CADPS2: variants seen among roughly 807,000 people sequenced by gnomAD.
The protein encoded by CADPS2 is calcium dependent secretion activator 2.
Under a neutral mutation model 172.5 loss-of-function variants are expected in CADPS2, and 93 were observed. That is an observed-to-expected ratio of 0.54 (90% CI 0.46 to 0.64). The LOEUF (loss-of-function observed/expected upper bound fraction) is 0.64, where lower values mean the gene tolerates loss of function less well. CADPS2 is among the 30% of genes least tolerant of loss of function. The pLI is 0.00. For missense variants in CADPS2, 1,420 were observed against 1,565.9 expected (o/e 0.91, Z 1.57); for synonymous variants, 546 against 555.2 (o/e 0.98, Z 0.23).
At chr7:122,448,263 A>C (rs2052566142) in intron 15 of CADPS2, among the ~76,000 whole-genome samples, 1 of 152,094 alleles carries the variant, frequency 6.6e-6, no homozygotes, top group African/African-American at 2.4e-5. Context: ...GTTTCTGAAA[A>C]TTCATGAAAT....
At chr7:122,480,294 A>G (rs943796643) in intron 12 of CADPS2, among the ~76,000 whole-genome samples, 1 of 130,570 alleles carries the variant, frequency 7.7e-6, no homozygotes, top group Non-Finnish European at 1.7e-5. Flanking sequence ...GTTAGATTTT[A>G]TAATTTTTTT....
At chr7:122,503,143 TG>T (rs11293003) in intron 9 of CADPS2, among the ~76,000 whole-genome samples, 39,266 of 151,370 alleles carry the variant, frequency 0.26, 5,280 homozygotes, top group East Asian at 0.34. Flanking sequence ...GCGATTCTCC[TG>T]CCTCAGTCTC....
At chr7:122,809,242 G>A (rs1387110661) in intron 1 of CADPS2, among the ~76,000 whole-genome samples, 1 of 152,042 alleles carries the variant, frequency 6.6e-6, no homozygotes, top group African/African-American at 2.4e-5. Flanking sequence ...AATCAGCTTT[G>A]TGATATGGTA....
At chr7:122,491,592 G>A (rs757999185) in intron 9 of CADPS2, among the ~76,000 whole-genome samples, 172 bp from the exon 10 acceptor site, 7 of 151,814 alleles carry the variant, frequency 4.6e-5, no homozygotes, top group Non-Finnish European at 1.0e-4. Flanking sequence ...AGCACCTTTC[G>A]TTTGTCAGCT....
intron 2 of CADPS2, among the ~76,000 whole-genome samples, chr7:122,694,582 G>A (rs1354263892): frequency 1.3e-5 from 2 of 152,122 alleles, no homozygotes; most frequent in East Asian, 1.9e-4. Context: ...GCTATGAAAA[G>A]GGGAGGTAAC....
chr7:122,768,045 C>A (rs941283123), intron 1 of CADPS2, among the ~76,000 whole-genome samples: 1 of 152,160 alleles, frequency 6.6e-6, no homozygotes, highest in Non-Finnish European at 1.5e-5. Flanking sequence ...TTATTACCAT[C>A]TGCAGCCAGT....
chr7:122,670,876 A>AG (rs2081762509), intron 2 of CADPS2, among the ~76,000 whole-genome samples: 1 of 151,676 alleles, frequency 6.6e-6, no homozygotes, highest in Non-Finnish European at 1.5e-5. Context: ...TTTCAAAAAA[A>AG]AAAAAAAAAA....
chr7:122,713,995 CTAAT>C (rs1361306910), intron 2 of CADPS2, among the ~76,000 whole-genome samples: 1 of 152,072 alleles, frequency 6.6e-6, no homozygotes, highest in Non-Finnish European at 1.5e-5. Flanking sequence ...GTTTCTCCAA[CTAAT>C]TATTACATTC....
rs566485835 is a variant in CADPS2 at position 122,644,760 on chromosome 7, C to A, written c.787-15432G>T. ...TTGTAATTTCATACAACAAAAAGAACATAAGGAAATGAAGTCATTCCCAAA... is the reference window on the plus strand; with the variant it reads ...TTGTAATTTCATACAACAAAAAGAAAATAAGGAAATGAAGTCATTCCCAAA... On this transcript the variant is annotated intron_variant, in intron 3 of 29. Transcript: ENST00000449022. Among the ~76,000 whole-genome samples, 633 of 152,126 alleles carry A rather than the reference C, an allele frequency of 4.2e-3. 2 individuals carry two copies. The highest frequency in any genetic ancestry group is 6.7e-3 in the Non-Finnish European group (454 of 67,958).
chr7:122,875,196 G>A (rs1820890841), intron 1 of CADPS2, among the ~76,000 whole-genome samples: 2 of 152,204 alleles, frequency 1.3e-5, no homozygotes, highest in African/African-American at 4.8e-5. Context: ...GTGAATATGA[G>A]TGTAGGTGTA....
At chr7:122,732,040 C>A (rs1287624543) in intron 2 of CADPS2, among the ~76,000 whole-genome samples, 1 of 151,560 alleles carries the variant, frequency 6.6e-6, no homozygotes, top group African/African-American at 2.4e-5. Flanking sequence ...TCAGTATATG[C>A]TTTTATGTAA....
chr7:122,522,151 G>T (rs1415282721), intron 8 of CADPS2, among the ~76,000 whole-genome samples: 1 of 151,868 alleles, frequency 6.6e-6, no homozygotes, highest in African/African-American at 2.4e-5. Flanking sequence ...GTCTCACTCT[G>T]TTGCCCAGGC....
intron 1 of CADPS2, among the ~76,000 whole-genome samples, chr7:122,805,154 C>T (rs903440229): frequency 5.9e-5 from 9 of 151,724 alleles, no homozygotes; most frequent in East Asian, 1.9e-4. Flanking sequence ...CATTTTCAAT[C>T]ATTATTATTA....
intron 2 of CADPS2, among the ~76,000 whole-genome samples, chr7:122,715,347 C>T (rs781222222): frequency 2.6e-4 from 40 of 152,140 alleles, no homozygotes; most frequent in Non-Finnish European, 4.6e-4. Flanking sequence ...GCCTCAGAAC[C>T]CTATCTCCTA....
intron 27 of CADPS2, among the ~76,000 whole-genome samples, chr7:122,346,029 A>T (rs1259371037): frequency 6.6e-6 from 1 of 151,556 alleles, no homozygotes; most frequent in Non-Finnish European, 1.5e-5. Context: ...TCCCAGTTGC[A>T]AATACAATTT....
chr7:122,435,983 G>A (rs185625902), intron 17 of CADPS2, among the ~76,000 whole-genome samples: 1 of 152,058 alleles, frequency 6.6e-6, no homozygotes, highest in East Asian at 1.9e-4. Context: ...AACATGAAGC[G>A]GTATTATTCA....
At chr7:122,570,416 C>T (rs1359129621) in intron 7 of CADPS2, among the ~76,000 whole-genome samples, 28 of 148,284 alleles carry the variant, frequency 1.9e-4, no homozygotes, top group Non-Finnish European at 3.0e-4. Flanking sequence ...GAAATAGGAA[C>T]ACTTTTACAC....
intron 14 of CADPS2, among the ~76,000 whole-genome samples, chr7:122,470,008 T>A (rs1267780765): frequency 6.6e-6 from 1 of 152,142 alleles, no homozygotes; most frequent in Admixed American, 6.6e-5. Flanking sequence ...AATAAACAGA[T>A]TTTTTGCGGT....
At chr7:122,761,832 T>C (rs1176980748) in intron 1 of CADPS2, among the ~76,000 whole-genome samples, 2 of 130,142 alleles carry the variant, frequency 1.5e-5, no homozygotes, top group African/African-American at 3.2e-5. Context: ...ACATCTCTAC[T>C]GAAAAAAAAA....
Sources: allele counts gnomAD v4.1 joint callset (sites outside exome capture counted in the v4.1 genomes callset), GRCh38; gene constraint gnomAD v4.1.1; transcripts MANE v1.5; gene names NCBI Gene and HGNC (gene_info 2026-07-23, HGNC 2026-07-21).